BOC: variants seen among roughly 807,000 people sequenced by gnomAD.
BOC encodes the protein BOC cell adhesion associated, oncogene regulated.
Under a neutral mutation model 112.0 loss-of-function variants are expected in BOC, and 76 were observed. The observed-to-expected ratio is 0.68, with a 90% confidence interval of 0.56 to 0.82. BOC has a LOEUF of 0.82. Ranked by LOEUF, BOC falls within the 40% of genes least tolerant of loss-of-function variation. BOC has a pLI of 0.00. For missense variants in BOC, 1,309 were observed against 1,511.7 expected (o/e 0.87, Z 2.22); for synonymous variants, 580 against 599.8 (o/e 0.97, Z 0.48).
intron 2 of BOC, among the ~76,000 whole-genome samples, chr3:113,225,101 A>AAAAC (rs1252263333): frequency 2.7e-5 from 4 of 149,996 alleles, no homozygotes; most frequent in Non-Finnish European, 5.9e-5. Context: ...AAACAAAACA[A>AAAAC]AAACAAACAA....
chr3:113,269,268 G>A (rs1237868043), intron 5 of BOC: 1 of 152,264 alleles, frequency 6.6e-6, no homozygotes, highest in Admixed American at 6.5e-5. Context: ...TCAAGCCACA[G>A]TGGACAGACA....
At chr3:113,224,120 G>T (rs1227004044) in intron 2 of BOC, among the ~76,000 whole-genome samples, 1 of 152,196 alleles carries the variant, frequency 6.6e-6, no homozygotes, top group East Asian at 1.9e-4. Flanking sequence ...GTGGGGAAGT[G>T]AGCGTCCCCT....
At chr3:113,225,478 C>A (rs1174964061) in intron 2 of BOC, among the ~76,000 whole-genome samples, 1 of 152,216 alleles carries the variant, frequency 6.6e-6, no homozygotes, top group Admixed American at 6.5e-5. Context: ...CACACCACCT[C>A]CCCCTCTGGT....
chr3:113,245,613 T>G (rs1944821751), intron 2 of BOC, among the ~76,000 whole-genome samples: 1 of 152,212 alleles, frequency 6.6e-6, no homozygotes, highest in South Asian at 2.1e-4. Flanking sequence ...GGAAAGGTGA[T>G]TCTTACTCTA....
At chr3:113,222,181 T>C (rs1402047866) in intron 2 of BOC, among the ~76,000 whole-genome samples, 2 of 152,236 alleles carry the variant, frequency 1.3e-5, no homozygotes, top group Non-Finnish European at 1.5e-5. Context: ...TACTGCCTGC[T>C]TCCCCTCTAG....
At chr3:113,248,343 C>A (rs1945190748) in intron 2 of BOC, among the ~76,000 whole-genome samples, 1 of 152,228 alleles carries the variant, frequency 6.6e-6, no homozygotes, top group Non-Finnish European at 1.5e-5. Flanking sequence ...GACTGGCCAG[C>A]ACAACACATC....
intron 4 of BOC, among the ~76,000 whole-genome samples, chr3:113,263,050 T>C (rs1243054192): frequency 2.0e-5 from 3 of 152,246 alleles, no homozygotes; most frequent in African/African-American, 4.8e-5. Flanking sequence ...AGCATGCCAC[T>C]GAGTAGTGCT....
chr3:113,248,372 A>T (rs1259601572), intron 2 of BOC, among the ~76,000 whole-genome samples: 1 of 152,248 alleles, frequency 6.6e-6, no homozygotes, highest in African/African-American at 2.4e-5. Context: ...GAGAAGCTTA[A>T]CTACTTCTGA....
intron 4 of BOC, among the ~76,000 whole-genome samples, chr3:113,254,016 G>A (rs1376779029): frequency 6.6e-6 from 1 of 152,156 alleles, no homozygotes. Context: ...ATTTATCTTG[G>A]AGCCTTCCTT....
Position 113,273,068 on chromosome 3 carries a change from G to C in BOC, c.962-1G>C. ...CTCACCCTGCTCTGGTTTCCTGGCA[G>C]AACCCCCTGAGGTCACCATGGAGCT... is the stretch of plus-strand genomic sequence containing the variant. On this transcript the variant is annotated splice_acceptor_variant, in intron 7 of 19. Coordinates refer to ENST00000682979, the MANE Select transcript of BOC (RefSeq NM_001378074.1). LOFTEE classifies it high-confidence loss of function. 6.3e-7 allele frequency: 1 copy of C among 1,591,608 alleles called. No individual in the cohort carries two copies. The highest frequency in any genetic ancestry group is 8.6e-7 in the Non-Finnish European group (1 of 1,162,040).
At chr3:113,218,390 TTTA>T (rs1171232694) in intron 2 of BOC, among the ~76,000 whole-genome samples, 1 of 152,144 alleles carries the variant, frequency 6.6e-6, no homozygotes, top group Non-Finnish European at 1.5e-5. Context: ...GAGTTCTGGG[TTTA>T]TTCGTTTTTC....
At chr3:113,213,175 G>C (rs576639279) in intron 1 of BOC, among the ~76,000 whole-genome samples, 1 of 152,296 alleles carries the variant, frequency 6.6e-6, no homozygotes, top group Non-Finnish European at 1.5e-5. Context: ...GTGTTCTGCT[G>C]CTCCCCTCAT....
intron 2 of BOC, among the ~76,000 whole-genome samples, chr3:113,236,292 A>ATATATATATATACCCATGTG (rs1553726905): frequency 2.1e-5 from 1 of 48,380 alleles, no homozygotes; most frequent in African/African-American, 1.1e-4. Context: ...GTATATATAT[A>ATATATATATATACCCATGTG]TATATATATA....
At position 113,283,252 on chromosome 3, in the gene BOC, TGA is replaced by T. The variant is rs144818953; in HGVS notation, c.2435-157_2435-156del. On this transcript the variant is annotated intron_variant, in intron 15 of 19. Transcript: ENST00000682979. ...TTCACATTAGATTCCAATTTCATGC[TGA>T]GTGTGGACACCATTCAAATAAGAGA... is the stretch of plus-strand genomic sequence containing the variant. Among the ~76,000 whole-genome samples the T allele has an allele frequency of 2.7e-3, 411 of 152,336 alleles. 13 individuals carry two copies. The East Asian group carries it at 0.06, about 22-fold the overall frequency.
At chr3:113,214,508 CTG>C (rs1262627015) in intron 1 of BOC, among the ~76,000 whole-genome samples, 2 of 152,226 alleles carry the variant, frequency 1.3e-5, no homozygotes, top group Admixed American at 1.3e-4. Context: ...GGGTTTATCT[CTG>C]TGTCTTTCAA....
At chr3:113,236,298 A>ATATATACCCATGGG in intron 2 of BOC, among the ~76,000 whole-genome samples, 1 of 124,502 alleles carries the variant, frequency 8.0e-6, no homozygotes, top group East Asian at 2.2e-4. Flanking sequence ...ATATATATAT[A>ATATATACCCATGGG]TATATATATA....
chr3:113,245,685 A>C (rs1310884715), intron 2 of BOC, among the ~76,000 whole-genome samples: 1 of 152,198 alleles, frequency 6.6e-6, no homozygotes, highest in Admixed American at 6.5e-5. Flanking sequence ...TTTTTCATGT[A>C]GCTAGTCCCT....
intron 2 of BOC, among the ~76,000 whole-genome samples, chr3:113,218,674 A>G (rs566804149): frequency 2.6e-5 from 4 of 152,370 alleles, no homozygotes; most frequent in African/African-American, 9.6e-5. Flanking sequence ...AGTCTAATGG[A>G]TCATCCAATG....
intron 2 of BOC, among the ~76,000 whole-genome samples, chr3:113,226,844 C>T (rs1187530228): frequency 6.6e-6 from 1 of 152,216 alleles, no homozygotes; most frequent in Non-Finnish European, 1.5e-5. Context: ...TAAGCCTTGC[C>T]TGACAGCAGT....
Sources: gnomAD v4.1 joint callset for allele counts (sites outside exome capture counted in the v4.1 genomes callset) on GRCh38, gnomAD v4.1.1 for gene constraint, MANE v1.5 for transcripts, NCBI Gene and HGNC (gene_info 2026-07-23, HGNC 2026-07-21) for gene names.